KCNH8: variants seen among roughly 807,000 people sequenced by gnomAD.
KCNH8 encodes potassium voltage-gated channel subfamily H member 8.
A neutral mutation model predicts 103.6 loss-of-function variants in KCNH8; 70 were observed. The ratio of observed to expected loss-of-function variants is 0.68; its 90% confidence interval spans 0.56 to 0.82. KCNH8 has a LOEUF of 0.82. Ranked by LOEUF, KCNH8 falls within the 40% of genes least tolerant of loss-of-function variation. KCNH8 has a pLI of 0.00. For synonymous variants in KCNH8, 498 were observed against 489.4 expected (o/e 1.02, Z -0.23); for missense variants, 1,217 against 1,329.9 (o/e 0.92, Z 1.32).
intron 2 of KCNH8, among the ~76,000 whole-genome samples, chr3:19,274,900 CCTCT>C (rs968036959): frequency 8.3e-6 from 1 of 120,346 alleles, no homozygotes; most frequent in South Asian, 3.3e-4. Context: ...CCTTCCCTTC[CCTCT>C]CTCTCTCTCT....
rs141789900 is a variant in KCNH8, at chr3:19,533,838, G to C, written c.3063G>C (p.Thr1021=). ...CISPHSDSTL[T]PLQSISATLS... The stretch of plus-strand genomic sequence containing the variant: ...CTCCACATTCAGATTCTACGTTGAC[G>C]CCTCTGCAGTCCATTTCAGCAACTC... Residue 1021 remains threonine (T), a synonymous_variant, in exon 16 of 16, where the codon ACG becomes ACC. Transcript: ENST00000328405. 1.2e-6 allele frequency: 2 copies of C among 1,613,988 alleles called. No homozygotes were observed. Among genetic ancestry groups the C allele is most frequent in the Non-Finnish European group, 1.7e-6 (2 of 1,180,016 alleles).
intron 1 of KCNH8, among the ~76,000 whole-genome samples, chr3:19,194,080 G>T (rs1034557861): frequency 2.0e-5 from 3 of 151,716 alleles, no homozygotes; most frequent in Non-Finnish European, 2.9e-5. Context: ...AAGTATGCTC[G>T]AATGGACTTC....
chr3:19,411,232 G>T (rs1463793997), intron 7 of KCNH8, among the ~76,000 whole-genome samples: 4 of 151,942 alleles, frequency 2.6e-5, no homozygotes, highest in Admixed American at 2.0e-4. Context: ...AATAAATGTG[G>T]TTTACAGCAT....
In KCNH8 at chr3:19,451,662, A is replaced by G. The variant is rs1176220500; in HGVS notation, c.1825+258A>G. Among the ~76,000 whole-genome samples the G allele has an allele frequency of 7.9e-5, 12 of 152,322 alleles. No individual in the cohort carries two copies. The South Asian group carries it at 2.5e-3, about 32-fold the overall frequency. On this transcript the variant is annotated intron_variant, in intron 10 of 15. Transcript: ENST00000328405. ...ATAGTACTTTAGTTAACTAGCCCAG[A>G]TCACCTAGTAAGAAAATAAACTCAG...
intron 2 of KCNH8, among the ~76,000 whole-genome samples, chr3:19,258,947 C>CTATATATATATATATATATATA (rs71055060): frequency 2.0e-4 from 5 of 24,800 alleles, no homozygotes; most frequent in Non-Finnish European, 4.0e-4. Context: ...CTCTCTCTCT[C>CTATATATATATATATATATATA]TATATATATA....
intron 11 of KCNH8, among the ~76,000 whole-genome samples, chr3:19,489,631 T>G (rs1328289853): frequency 6.6e-6 from 1 of 152,076 alleles, no homozygotes; most frequent in Non-Finnish European, 1.5e-5. Context: ...AAATCCTGTT[T>G]TGAAATTTTT....
At chr3:19,427,006 A>C (rs2067038278) in intron 7 of KCNH8, among the ~76,000 whole-genome samples, 1 of 152,184 alleles carries the variant, frequency 6.6e-6, no homozygotes, top group South Asian at 2.1e-4. Context: ...TAATATCATA[A>C]GTGTCACAGG....
intron 3 of KCNH8, among the ~76,000 whole-genome samples, chr3:19,282,119 A>G (rs1223395398): frequency 5.3e-5 from 8 of 152,224 alleles, no homozygotes; most frequent in African/African-American, 1.9e-4. Flanking sequence ...TCTTTTTAGG[A>G]ATGGACTCTT....
chr3:19,448,866 A>C, intron 8 of KCNH8: 1 of 579,700 alleles, frequency 1.7e-6, no homozygotes, highest in Admixed American at 2.4e-5. Flanking sequence ...TAAAATCTGA[A>C]TATTACTTAG....
Position 19,510,235 on chromosome 3 carries a change from C to A in KCNH8, c.2041-128C>A, listed in dbSNP as rs1386470292. 3 of 671,226 alleles carry A rather than the reference C, an allele frequency of 4.5e-6. No homozygotes were observed. The East Asian group carries it at 8.2e-5, about 18-fold the overall frequency. The allele number at this position is 671,226 out of a possible 1,614,324, so 41.6% of individuals were successfully genotyped here. A position where few individuals can be genotyped will look rare whatever the true frequency, so the allele number is the denominator to read the frequency against. On this transcript the variant is annotated intron_variant, in intron 11 of 15. Transcript: ENST00000328405. ...TCTGGCCTGCACAGGTAGATCCACA[C>A]CCCTTCCTGTGCTCCTTCCCTCCCA...
At chr3:19,206,027 A>G (rs931510749) in intron 1 of KCNH8, among the ~76,000 whole-genome samples, 2 of 151,492 alleles carry the variant, frequency 1.3e-5, no homozygotes, top group African/African-American at 4.8e-5. Context: ...GCATCCTCAT[A>G]GCTTAGCTCC....
intron 7 of KCNH8, among the ~76,000 whole-genome samples, chr3:19,430,420 G>C (rs1222900742): frequency 6.6e-6 from 1 of 150,864 alleles, no homozygotes; most frequent in African/African-American, 2.4e-5. Flanking sequence ...GTTTTTTTTT[G>C]TTTTTGTTTT....
rs2068819552 is a variant in KCNH8, at chr3:19,513,328, A to G, written c.2435+3A>G. 1 of 1,582,596 alleles carries G rather than the reference A, an allele frequency of 6.3e-7. No individual in the cohort carries two copies. The stretch of plus-strand genomic sequence containing the variant: ...GGACCCCCAGACCTCAGTCCAAGGT[A>G]AGAGTTCATATCATATAACTTTCTC... On this transcript the variant is annotated splice_donor_region_variant and intron_variant, in intron 13 of 15. Coordinates refer to ENST00000328405, the MANE Select transcript of KCNH8 (RefSeq NM_144633.3).
intron 5 of KCNH8, among the ~76,000 whole-genome samples, chr3:19,350,292 A>G (rs1217654343): frequency 1.3e-5 from 2 of 152,240 alleles, no homozygotes; most frequent in Non-Finnish European, 2.9e-5. Context: ...GTATCTTTAC[A>G]ATGTGAAGGT....
chr3:19,230,846 G>C (rs559192718), intron 1 of KCNH8, among the ~76,000 whole-genome samples: 32 of 152,154 alleles, frequency 2.1e-4, no homozygotes, highest in African/African-American at 7.7e-4. Flanking sequence ...TTCGTTCTTC[G>C]GAACGCAAAT....
At chr3:19,198,706 C>T (rs1373382325) in intron 1 of KCNH8, among the ~76,000 whole-genome samples, 1 of 151,962 alleles carries the variant, frequency 6.6e-6, no homozygotes, top group Non-Finnish European at 1.5e-5. Context: ...TTATAACAAC[C>T]AGTGCCAATA....
Position 19,481,401 on chromosome 3 carries a change from A to T in KCNH8, c.2040+24419A>T, listed in dbSNP as rs183102809. 2.2e-3 allele frequency among the ~76,000 whole-genome samples: 338 copies of T among 151,642 alleles called. 1 individual carries two copies. Among genetic ancestry groups the T allele is most frequent in the Non-Finnish European group, 3.3e-3 (227 of 67,922 alleles). ...CCTCCAAAAGTCTAGTCTTTTTTTT[A>T]AAAAAGTTATCCCCAGTAGAGATTA... On this transcript the variant is annotated intron_variant, in intron 11 of 15. Transcript: ENST00000328405.
chr3:19,254,381 C>T (rs1200547350), intron 2 of KCNH8, among the ~76,000 whole-genome samples: 2 of 151,978 alleles, frequency 1.3e-5, no homozygotes, highest in Non-Finnish European at 2.9e-5. Context: ...GTTACCTAGC[C>T]ACAGAGCCTT....
At chr3:19,519,376 C>G (rs915437445) in intron 15 of KCNH8, among the ~76,000 whole-genome samples, 7 of 151,722 alleles carry the variant, frequency 4.6e-5, no homozygotes, top group East Asian at 3.9e-4. Context: ...TTCCAGTTAT[C>G]TGTAATAAGG....
Sources: gnomAD v4.1 joint callset for allele counts (sites outside exome capture counted in the v4.1 genomes callset) on GRCh38, gnomAD v4.1.1 for gene constraint, MANE v1.5 for transcripts, NCBI Gene and HGNC (gene_info 2026-07-23, HGNC 2026-07-21) for gene names.